Variants in CSMD1 observed in about 807,000 individuals in gnomAD.
The protein encoded by CSMD1 is CUB and Sushi multiple domains 1, also known as CUB and sushi domain-containing protein 1.
A neutral mutation model predicts 417.5 loss-of-function variants in CSMD1; 213 were observed. That is an observed-to-expected ratio of 0.51 (90% confidence interval 0.46 to 0.57). The LOEUF is 0.57. Among genes scored for constraint, CSMD1 ranks in the 20% least tolerant of loss-of-function variants. The pLI, the probability that CSMD1 is intolerant of heterozygous loss-of-function variation, is 0.00. For synonymous variants in CSMD1, 2,862 were observed against 1,736.8 expected, an observed-to-expected ratio of 1.65 and a Z score of -16.11; for missense variants, 6,923 against 4,529.7, an observed-to-expected ratio of 1.53 and a Z score of -15.17.
chr8:4,856,424 T>C (rs946685865), intron 1 of CSMD1, among the ~76,000 whole-genome samples: 6 of 141,768 alleles, frequency 4.2e-5, no homozygotes, highest in African/African-American at 1.7e-4. Context: ...AATATTAACT[T>C]TAAATGTCAA....
intron 55 of CSMD1, among the ~76,000 whole-genome samples, chr8:2,974,972 C>A (rs662589): frequency 0.36 from 55,169 of 151,970 alleles, 11,198 homozygotes; most frequent in African/African-American, 0.55. Flanking sequence ...AGGAAATTTG[C>A]GAAAGTAACA....
intron 9 of CSMD1, 104 bp from the exon 10 acceptor site, chr8:3,575,170 TAAAAAAA>T: frequency 1.2e-6 from 1 of 806,324 alleles, no homozygotes; most frequent in Non-Finnish European, 1.8e-6. Flanking sequence ...CTAATCACAG[TAAAAAAA>T]AAAAAAAAAA....
intron 1 of CSMD1, among the ~76,000 whole-genome samples, chr8:4,709,155 G>C (rs550136303): frequency 3.9e-5 from 6 of 152,184 alleles, no homozygotes; most frequent in Middle Eastern, 3.2e-3. Context: ...ACGAAATATA[G>C]CAATATGGTG....
intron 3 of CSMD1, among the ~76,000 whole-genome samples, chr8:4,039,314 T>A (rs145753875): frequency 8.1e-4 from 123 of 152,320 alleles, no homozygotes; most frequent in African/African-American, 2.6e-3. Context: ...AAACCAACGA[T>A]ATCAAATGTG....
intron 26 of CSMD1, among the ~76,000 whole-genome samples, chr8:3,251,163 C>A (rs1055845850): frequency 6.6e-6 from 1 of 152,044 alleles, no homozygotes; most frequent in African/African-American, 2.4e-5. Context: ...AATGGTATTG[C>A]CTAGGTTTTC....
intron 5 of CSMD1, among the ~76,000 whole-genome samples, chr8:3,960,885 A>T (rs1428802069): frequency 2.0e-5 from 3 of 152,038 alleles, no homozygotes; most frequent in Non-Finnish European, 4.4e-5. Flanking sequence ...TGTTTATACA[A>T]AGCTCATATC....
intron 3 of CSMD1, among the ~76,000 whole-genome samples, chr8:4,303,420 C>CTTTTTTTT (rs1563419612): frequency 2.3e-4 from 21 of 92,330 alleles, no homozygotes; most frequent in South Asian, 7.4e-4. Flanking sequence ...GGGCAGGAAG[C>CTTTTTTTT]TGTTTTTTTT....
At chr8:3,398,823 C>T (rs1244566662) in intron 16 of CSMD1, among the ~76,000 whole-genome samples, 4 of 152,098 alleles carry the variant, frequency 2.6e-5, no homozygotes, top group East Asian at 1.9e-4. Flanking sequence ...AAACAAATAC[C>T]TACGCAGCCC....
At chr8:4,517,038 T>C (rs1803162879) in intron 2 of CSMD1, among the ~76,000 whole-genome samples, 1 of 152,206 alleles carries the variant, frequency 6.6e-6, no homozygotes, top group African/African-American at 2.4e-5. Context: ...AGACTAATTA[T>C]TTAGATCTCT....
chr8:4,262,850 T>C (rs1803981506), intron 3 of CSMD1, among the ~76,000 whole-genome samples: 2 of 152,144 alleles, frequency 1.3e-5, no homozygotes, highest in African/African-American at 2.4e-5. Context: ...ATCAAAACTG[T>C]CTTTTAAGCC....
At chr8:4,027,518 T>C (rs989383718) in intron 4 of CSMD1, among the ~76,000 whole-genome samples, 2 of 152,126 alleles carry the variant, frequency 1.3e-5, no homozygotes, top group African/African-American at 4.8e-5. Flanking sequence ...CACCCTTCAC[T>C]CTGTACTTCT....
chr8:3,887,021 G>C (rs1806611951), intron 5 of CSMD1, among the ~76,000 whole-genome samples: 1 of 152,126 alleles, frequency 6.6e-6, no homozygotes, highest in South Asian at 2.1e-4. Flanking sequence ...ATGGACTTCA[G>C]TGACCTTTCA....
At chr8:3,645,300 T>C (rs1797521390) in intron 7 of CSMD1, among the ~76,000 whole-genome samples, 1 of 152,160 alleles carries the variant, frequency 6.6e-6, no homozygotes. Context: ...TGAACACAAA[T>C]GTGTTCTCCC....
At chr8:4,263,193 G>GAATTC (rs1804003545) in intron 3 of CSMD1, among the ~76,000 whole-genome samples, 1 of 149,226 alleles carries the variant, frequency 6.7e-6, no homozygotes, top group Non-Finnish European at 1.5e-5. Flanking sequence ...CTAGTGCCGT[G>GAATTC]TATTCTAGTA....
chr8:4,557,788 C>G (rs1585246768), intron 2 of CSMD1, among the ~76,000 whole-genome samples: 2 of 152,138 alleles, frequency 1.3e-5, no homozygotes, highest in African/African-American at 4.8e-5. Context: ...TCTCCGTGCC[C>G]CACGTTCAGG....
intron 4 of CSMD1, among the ~76,000 whole-genome samples, chr8:4,020,240 C>T (rs913370014): frequency 3.3e-5 from 5 of 152,202 alleles, no homozygotes; most frequent in Admixed American, 6.5e-5. Context: ...TGACCAAAGA[C>T]ACACAGTGTC....
At chr8:3,924,950 C>T (rs749477645) in intron 5 of CSMD1, among the ~76,000 whole-genome samples, 67 of 152,152 alleles carry the variant, frequency 4.4e-4, no homozygotes, top group South Asian at 1.2e-3. Context: ...CCTTGAAGTT[C>T]TGCATTGCTT....
intron 5 of CSMD1, among the ~76,000 whole-genome samples, chr8:3,807,895 G>C (rs902765999): frequency 6.6e-6 from 1 of 152,076 alleles, no homozygotes; most frequent in Admixed American, 6.6e-5. Context: ...TCCCCTTCTT[G>C]CCAAGTAATC....
intron 28 of CSMD1, among the ~76,000 whole-genome samples, chr8:3,222,124 C>T (rs892846820): frequency 4.6e-5 from 7 of 152,072 alleles, no homozygotes; most frequent in African/African-American, 1.7e-4. Flanking sequence ...GTTTCTGAGA[C>T]ATTGGGTCGG....
Sources: allele counts gnomAD v4.1 joint callset (sites outside exome capture counted in the v4.1 genomes callset), GRCh38; gene constraint gnomAD v4.1.1; transcripts MANE v1.5; gene names NCBI Gene and HGNC (gene_info 2026-07-23, HGNC 2026-07-21).